The following RNF220 variants were observed in gnomAD, a reference collection of about 807,000 sequenced individuals.
The protein encoded by RNF220 is ring finger protein 220.
A neutral mutation model predicts 67.1 loss-of-function variants in RNF220; 7 were observed. The observed-to-expected ratio is 0.10, with a 90% confidence interval of 0.06 to 0.20. The LOEUF is 0.20. RNF220 is among the 10% of genes least tolerant of loss of function. The probability of loss-of-function intolerance (pLI) is 1.00; values close to 1 mark genes in which losing one functional copy is unlikely to be tolerated. For missense variants in RNF220, 565 were observed against 740.3 expected, an observed-to-expected ratio of 0.76 and a Z score of 2.75; for synonymous variants, 270 against 283.2, an observed-to-expected ratio of 0.95 and a Z score of 0.47.
At chr1:44,523,189 G>A (rs763047533) in intron 2 of RNF220, among the ~76,000 whole-genome samples, 2 of 152,220 alleles carry the variant, frequency 1.3e-5, no homozygotes, top group Admixed American at 6.5e-5. Context: ...CCTGCCCACT[G>A]CCACATCTGG....
intron 2 of RNF220, among the ~76,000 whole-genome samples, chr1:44,500,894 G>T (rs1389758885): frequency 6.6e-6 from 1 of 152,220 alleles, no homozygotes; most frequent in African/African-American, 2.4e-5. Context: ...ACAACGTGGG[G>T]CTCGGGAGCC....
intron 5 of RNF220, chr1:44,632,101 G>A: frequency 7.0e-7 from 1 of 1,434,524 alleles, no homozygotes; most frequent in East Asian, 2.9e-5. Flanking sequence ...GGCCAGGGCT[G>A]GGGCGGCACC....
intron 5 of RNF220, chr1:44,632,044 A>G (rs1398082218): frequency 9.2e-7 from 1 of 1,085,414 alleles, no homozygotes; most frequent in Non-Finnish European, 1.1e-6. Flanking sequence ...ATCCGCCCGC[A>G]TCGCCGCCCT....
intron 6 of RNF220, chr1:44,635,344 A>G (rs1173926760): frequency 3.0e-6 from 2 of 665,178 alleles, no homozygotes; most frequent in Non-Finnish European, 4.9e-6. Context: ...CTTAGTTAGC[A>G]CCAGTCTCCT....
intron 3 of RNF220, among the ~76,000 whole-genome samples, chr1:44,618,136 T>C (rs1237310967): frequency 6.6e-6 from 1 of 152,168 alleles, no homozygotes; most frequent in African/African-American, 2.4e-5. Flanking sequence ...CCTGCCTCCC[T>C]TTGCCCAACA....
At chr1:44,460,875 A>T (rs1653697895) in intron 2 of RNF220, among the ~76,000 whole-genome samples, 1 of 152,156 alleles carries the variant, frequency 6.6e-6, no homozygotes, top group African/African-American at 2.4e-5. Flanking sequence ...GGAGAACCAC[A>T]AGGTCAGAGG....
intron 2 of RNF220, among the ~76,000 whole-genome samples, chr1:44,489,244 G>A (rs1656631612): frequency 6.6e-6 from 1 of 152,204 alleles, no homozygotes; most frequent in South Asian, 2.1e-4. Flanking sequence ...TTGTACCGAA[G>A]AGGTAGGTAA....
intron 2 of RNF220, among the ~76,000 whole-genome samples, chr1:44,444,848 T>C (rs887829562): frequency 4.0e-4 from 61 of 152,348 alleles, no homozygotes; most frequent in African/African-American, 1.4e-3. Context: ...TGTATCCTGG[T>C]GTACAGGGCC....
Position 44,432,550 on chromosome 1 carries a change from G to A in RNF220, c.625+19828G>A, listed in dbSNP as rs188850553. Among the ~76,000 whole-genome samples, 126 of 149,928 alleles carry A rather than the reference G, an allele frequency of 8.4e-4. 1 individual carries two copies. The highest frequency in any genetic ancestry group is 2.8e-3 in the African/African-American group (115 of 40,594). ...CTCCCAAAGTGCTGGGATTACAAACGTGAGCCACCATGCCCGGCCTGTTTG... is the reference window on the plus strand; with the variant it reads ...CTCCCAAAGTGCTGGGATTACAAACATGAGCCACCATGCCCGGCCTGTTTG... On this transcript the variant is annotated intron_variant, in intron 2 of 14. Transcript: ENST00000361799.
At chr1:44,481,907 T>C (rs933711793) in intron 2 of RNF220, among the ~76,000 whole-genome samples, 6 of 152,158 alleles carry the variant, frequency 3.9e-5, no homozygotes, top group African/African-American at 1.4e-4. Flanking sequence ...GGGATTAGAC[T>C]TCAGTCGTAA....
chr1:44,497,922 C>T (rs191619973), intron 2 of RNF220, among the ~76,000 whole-genome samples: 8 of 152,302 alleles, frequency 5.3e-5, no homozygotes, highest in African/African-American at 1.4e-4. Flanking sequence ...TCTGGACTGG[C>T]GCCAAAGGCA....
chr1:44,454,656 G>T (rs1427918768), intron 2 of RNF220, among the ~76,000 whole-genome samples: 1 of 142,610 alleles, frequency 7.0e-6, no homozygotes, highest in South Asian at 2.2e-4. Flanking sequence ...ATTTTGGTGG[G>T]TTTTTTTTTT....
At chr1:44,526,739 C>T (rs998077577) in intron 2 of RNF220, among the ~76,000 whole-genome samples, 3 of 152,044 alleles carry the variant, frequency 2.0e-5, no homozygotes, top group African/African-American at 4.8e-5. Context: ...ACATTACTCT[C>T]CCCTCTTCCT....
At chr1:44,494,710 G>T (rs1038488252) in intron 2 of RNF220, among the ~76,000 whole-genome samples, 5 of 152,134 alleles carry the variant, frequency 3.3e-5, no homozygotes, top group African/African-American at 1.2e-4. Context: ...TGTTTCTTGG[G>T]AAGCAGACTC....
Position 44,624,054 on chromosome 1 carries a change from G to A in RNF220, c.804+1267G>A, listed in dbSNP as rs1643878533. On this transcript the variant is annotated intron_variant, in intron 4 of 14. Transcript: ENST00000361799. This position sits in a 1 kb window ranked among gnomAD's most constrained non-coding sequence, Gnocchi z 4.2. ...ATCGTGTACCTTCGTTTAGAAAACT[G>A]CTCACCTGCAGCAAGCTGGGAGAGG... 6.6e-6 allele frequency among the ~76,000 whole-genome samples: 1 copy of A among 152,210 alleles called. No individual in the cohort carries two copies. The highest frequency in any genetic ancestry group is 2.1e-4 in the South Asian group (1 of 4,830).
intron 5 of RNF220, chr1:44,626,713 G>T (rs1643951819): frequency 1.0e-5 from 3 of 291,736 alleles, no homozygotes; most frequent in Non-Finnish European, 1.9e-5. Flanking sequence ...CAGATACATA[G>T]CCCAGAATCA....
chr1:44,428,320 C>T (rs923208949), intron 2 of RNF220, among the ~76,000 whole-genome samples: 1 of 152,160 alleles, frequency 6.6e-6, no homozygotes, highest in African/African-American at 2.4e-5. Flanking sequence ...TGTTCACCAG[C>T]TATTTTGAGG....
intron 2 of RNF220, among the ~76,000 whole-genome samples, chr1:44,582,698 A>G (rs931808978): frequency 2.7e-5 from 4 of 147,934 alleles, no homozygotes; most frequent in Non-Finnish European, 3.0e-5. Flanking sequence ...CGGAGGTTGC[A>G]GTGAGCAAAG....
intron 2 of RNF220, among the ~76,000 whole-genome samples, chr1:44,467,818 A>G (rs965124602): frequency 6.6e-6 from 1 of 152,162 alleles, no homozygotes; most frequent in Non-Finnish European, 1.5e-5. Flanking sequence ...TGCCGTCTTT[A>G]CTGAGCGTAG....
Sources: gnomAD v4.1 joint callset for allele counts (sites outside exome capture counted in the v4.1 genomes callset) on GRCh38, gnomAD v4.1.1 for gene constraint, Gnocchi (gnomAD v3.1) non-coding constraint, MANE v1.5 for transcripts, NCBI Gene and HGNC (gene_info 2026-07-23, HGNC 2026-07-21) for gene names.